Variants in DLGAP1 observed in about 807,000 individuals in gnomAD.
The protein encoded by DLGAP1 is DLG associated protein 1.
A neutral mutation model predicts 90.8 loss-of-function variants in DLGAP1; 11 were observed. That is an observed-to-expected ratio of 0.12 (90% confidence interval 0.08 to 0.20). The LOEUF is 0.20. Ranked by LOEUF, DLGAP1 falls within the 10% of genes least tolerant of loss-of-function variation. The pLI, the probability that DLGAP1 is intolerant of heterozygous loss-of-function variation, is 1.00. For missense variants in DLGAP1, 1,050 were observed against 1,333.8 expected (o/e 0.79, Z 3.31); for synonymous variants, 558 against 540.7 (o/e 1.03, Z -0.44).
intron 9 of DLGAP1, among the ~76,000 whole-genome samples, chr18:3,535,503 C>T (rs1040418740): frequency 2.7e-5 from 4 of 147,398 alleles, no homozygotes; most frequent in South Asian, 2.2e-4. Context: ...GTCAGGGGAT[C>T]GAGACCCTCC....
At chr18:3,500,240 A>T (rs1478204448) in intron 12 of DLGAP1, among the ~76,000 whole-genome samples, 1 of 152,194 alleles carries the variant, frequency 6.6e-6, no homozygotes, top group Non-Finnish European at 1.5e-5. Context: ...ATGCCACTGC[A>T]AAAACAAAAG....
intron 1 of DLGAP1, among the ~76,000 whole-genome samples, chr18:4,421,926 C>G (rs1485531037): frequency 6.6e-6 from 1 of 152,038 alleles, no homozygotes; most frequent in Non-Finnish European, 1.5e-5. Context: ...GTTGGCCAGG[C>G]TGGTTTCGAA....
chr18:3,779,779 C>A (rs561950377), intron 5 of DLGAP1, among the ~76,000 whole-genome samples: 308 of 130,308 alleles, frequency 2.4e-3, no homozygotes, highest in Non-Finnish European at 4.1e-3. Flanking sequence ...TTTTTTTTTA[C>A]TCTTTCTTTC....
At chr18:4,162,371 G>A (rs2076861879) in intron 1 of DLGAP1, among the ~76,000 whole-genome samples, 4 of 152,092 alleles carry the variant, frequency 2.6e-5, no homozygotes, top group Admixed American at 1.3e-4. Context: ...TGCTCTCAAG[G>A]AGCTTAAGGA....
intron 2 of DLGAP1, among the ~76,000 whole-genome samples, chr18:4,137,731 T>C (rs1362185516): frequency 1.3e-5 from 2 of 152,194 alleles, no homozygotes; most frequent in African/African-American, 4.8e-5. Flanking sequence ...ATGGACATTT[T>C]AATAATGTTG....
intron 4 of DLGAP1, among the ~76,000 whole-genome samples, chr18:3,870,459 C>T (rs952524701): frequency 3.9e-5 from 6 of 152,126 alleles, no homozygotes; most frequent in Admixed American, 6.5e-5. Context: ...AAGAGATTAG[C>T]TTGTAGCTTT....
chr18:3,577,500 T>G (rs1169758436), intron 8 of DLGAP1, among the ~76,000 whole-genome samples: 1 of 152,214 alleles, frequency 6.6e-6, no homozygotes, highest in Non-Finnish European at 1.5e-5. Context: ...ATGTTGTGTC[T>G]TCTACTATGC....
chr18:3,657,652 G>C (rs949152453), intron 7 of DLGAP1, among the ~76,000 whole-genome samples: 2 of 149,920 alleles, frequency 1.3e-5, no homozygotes, highest in African/African-American at 2.5e-5. Flanking sequence ...GCCCAGGCTG[G>C]AGTGCAGTGG....
intron 1 of DLGAP1, among the ~76,000 whole-genome samples, chr18:4,343,448 T>C (rs1236517300): frequency 6.6e-6 from 1 of 152,168 alleles, no homozygotes; most frequent in Non-Finnish European, 1.5e-5. Context: ...TAATATTTAT[T>C]TTATAAAGTT....
intron 7 of DLGAP1, among the ~76,000 whole-genome samples, chr18:3,715,675 C>T (rs1443512000): frequency 6.6e-6 from 1 of 152,082 alleles, no homozygotes; most frequent in African/African-American, 2.4e-5. Flanking sequence ...TGACAGAAAC[C>T]TTTTTTTCTT....
In DLGAP1 at chr18:3,711,133, G is replaced by A. The variant is rs1429590254; in HGVS notation, c.1591+18002C>T. ...CTGGCAGAGACTTGGCTATAAACAC[G>A]ATGATCTCAGCCACAGAGTGTAAGA... On this transcript the variant is annotated intron_variant, in intron 7 of 12. Transcript: ENST00000315677. The surrounding 1 kb of genome is among the most constrained non-coding windows in gnomAD (Gnocchi z 4.0). Among the ~76,000 whole-genome samples the A allele has an allele frequency of 6.6e-6, 1 of 152,222 alleles. No individual in the cohort carries two copies. Among genetic ancestry groups the A allele is most frequent in the African/African-American group, 2.4e-5 (1 of 41,454 alleles).
intron 5 of DLGAP1, among the ~76,000 whole-genome samples, chr18:3,773,087 T>C (rs2064770266): frequency 6.6e-6 from 1 of 152,204 alleles, no homozygotes; most frequent in South Asian, 2.1e-4. Flanking sequence ...CCTTGTGTAT[T>C]CTTAGATGGG....
At chr18:3,917,340 G>A (rs75962163) in intron 3 of DLGAP1, among the ~76,000 whole-genome samples, 4,452 of 152,222 alleles carry the variant, frequency 0.029, 212 homozygotes, top group African/African-American at 0.1. Context: ...CCCTGCAGAC[G>A]GCAGTCAGCA....
At chr18:3,680,274 A>C (rs1239593395) in intron 7 of DLGAP1, 1 of 152,332 alleles carries the variant, frequency 6.6e-6, no homozygotes, top group African/African-American at 2.4e-5. Context: ...AATTGAAGGA[A>C]GCCACAGGAA....
At chr18:3,556,373 A>G (rs2053750993) in intron 9 of DLGAP1, among the ~76,000 whole-genome samples, 1 of 152,186 alleles carries the variant, frequency 6.6e-6, no homozygotes, top group Non-Finnish European at 1.5e-5. Flanking sequence ...CCGTTGCATT[A>G]TACATTCAGA....
intron 2 of DLGAP1, among the ~76,000 whole-genome samples, chr18:4,081,367 C>T (rs942641387): frequency 7.3e-5 from 11 of 151,548 alleles, no homozygotes; most frequent in African/African-American, 2.7e-4. Flanking sequence ...TTCCAACAAA[C>T]CTTCAGAGGG....
At chr18:3,809,499 G>A (rs959570832) in intron 5 of DLGAP1, among the ~76,000 whole-genome samples, 1 of 152,144 alleles carries the variant, frequency 6.6e-6, no homozygotes, top group African/African-American at 2.4e-5. Context: ...ATTTAGAACT[G>A]AAAATAAATC....
chr18:3,865,853 T>C (rs1025836445), intron 4 of DLGAP1, among the ~76,000 whole-genome samples: 7 of 152,194 alleles, frequency 4.6e-5, no homozygotes, highest in Non-Finnish European at 8.8e-5. Flanking sequence ...AGAACCTTCT[T>C]AGTAAGTTAA....
chr18:3,826,857 G>C, intron 4 of DLGAP1, among the ~76,000 whole-genome samples: 1 of 152,192 alleles, frequency 6.6e-6, no homozygotes. Context: ...CAATAACCTA[G>C]ATTGTAGCTA....
Sources: allele counts gnomAD v4.1 joint callset (sites outside exome capture counted in the v4.1 genomes callset), GRCh38; gene constraint gnomAD v4.1.1; non-coding constraint Gnocchi (gnomAD v3.1); transcripts MANE v1.5; gene names NCBI Gene and HGNC (gene_info 2026-07-23, HGNC 2026-07-21).